The following SDK1 variants were observed in gnomAD, a reference collection of about 807,000 sequenced individuals.
SDK1 encodes the protein protein sidekick-1.
A neutral mutation model predicts 245.5 loss-of-function variants in SDK1; 157 were observed. That is an observed-to-expected ratio of 0.64 (90% CI 0.56 to 0.73). SDK1 has a LOEUF of 0.73. Ranked by LOEUF, SDK1 falls within the 30% of genes least tolerant of loss-of-function variation. The pLI is 0.00. For missense variants in SDK1, 3,583 were observed against 3,002.3 expected, an observed-to-expected ratio of 1.19 and a Z score of -4.52; for synonymous variants, 1,647 against 1,278.5, an observed-to-expected ratio of 1.29 and a Z score of -6.15.
chr7:4,130,415 G>C, intron 27 of SDK1: 1 of 352,410 alleles, frequency 2.8e-6, no homozygotes, highest in Non-Finnish European at 5.2e-6. Flanking sequence ...GCTCCTCTTG[G>C]CAGGGGCTCC....
Position 4,210,007 on chromosome 7 carries a change from T to G in SDK1, c.5402-18T>G. On this transcript the variant is annotated intron_variant, in intron 37 of 44. Transcript: ENST00000404826. ...GTAGGAGCCCCTGTAAAAGTCACTTTGTGTTCTATTCTCCCAGCCCCTGGG... is the reference window on the plus strand; with the variant it reads ...GTAGGAGCCCCTGTAAAAGTCACTTGGTGTTCTATTCTCCCAGCCCCTGGG... 6.5e-7 allele frequency: 1 copy of G among 1,549,418 alleles called. No individual in the cohort carries two copies. Among genetic ancestry groups the G allele is most frequent in the Non-Finnish European group, 8.7e-7 (1 of 1,150,390 alleles).
intron 5 of SDK1, among the ~76,000 whole-genome samples, chr7:3,845,121 G>A (rs1387064740): frequency 2.6e-5 from 4 of 152,180 alleles, no homozygotes; most frequent in African/African-American, 9.7e-5. Flanking sequence ...GGGGAGGGAT[G>A]CTGGGTGGTG....
chr7:4,124,920 G>C (rs969762240), intron 25 of SDK1, among the ~76,000 whole-genome samples: 3 of 125,416 alleles, frequency 2.4e-5, no homozygotes, highest in Non-Finnish European at 5.4e-5. Context: ...GGATGGATGG[G>C]TGGGTAGATG....
chr7:3,439,478 A>C (rs1359910419), intron 1 of SDK1, among the ~76,000 whole-genome samples: 1 of 152,166 alleles, frequency 6.6e-6, no homozygotes, highest in Admixed American at 6.5e-5. Flanking sequence ...CCTAAGACTC[A>C]GTGGACAGCA....
rs574784221 is a variant in SDK1 at position 4,227,296 on chromosome 7, G to T, written c.5827+5932G>T. 1.2e-3 allele frequency: 549 copies of T among 457,286 alleles called. 5 individuals are homozygous for T. Among genetic ancestry groups the T allele is most frequent in the Non-Finnish European group, 1.0e-4 (23 of 220,612 alleles). 28.3% of individuals were successfully genotyped at this position (457,286 alleles called of 1,614,324 possible). A position where few individuals can be genotyped will look rare whatever the true frequency, so the allele number is the denominator to read the frequency against. On this transcript the variant is annotated intron_variant, in intron 40 of 44. Coordinates refer to ENST00000404826, the MANE Select transcript of SDK1 (RefSeq NM_152744.4). ...TAAGCTGCTTGTCTTTCTCATAAGCGTGTTTCTGACAGCTTGTCAGCCCGG... is the reference window on the plus strand; with the variant it reads ...TAAGCTGCTTGTCTTTCTCATAAGCTTGTTTCTGACAGCTTGTCAGCCCGG...
At chr7:3,383,839 G>T (rs949183352) in intron 1 of SDK1, among the ~76,000 whole-genome samples, 1 of 152,120 alleles carries the variant, frequency 6.6e-6, no homozygotes, top group Non-Finnish European at 1.5e-5. Flanking sequence ...TCATCCAAAG[G>T]ACAACAGTAA....
intron 1 of SDK1, chr7:3,476,089 C>G (rs1781340498): frequency 6.6e-6 from 1 of 152,592 alleles, no homozygotes; most frequent in South Asian, 2.1e-4. Flanking sequence ...TATTTTCAAA[C>G]AATTTCTCTC....
intron 1 of SDK1, among the ~76,000 whole-genome samples, chr7:3,503,247 C>G (rs546415517): frequency 8.0e-4 from 122 of 152,262 alleles, no homozygotes; most frequent in African/African-American, 2.8e-3. Context: ...CTCATTAAGA[C>G]TCAGGAATCT....
chr7:3,649,076 C>G (rs923338531), intron 4 of SDK1, among the ~76,000 whole-genome samples: 1 of 152,164 alleles, frequency 6.6e-6, no homozygotes, highest in Non-Finnish European at 1.5e-5. Flanking sequence ...TTGCCAGGGA[C>G]AGAAAGGGGA....
intron 7 of SDK1, 110 bp from the exon 8 acceptor site, chr7:3,958,821 T>G: frequency 1.2e-6 from 1 of 860,870 alleles, no homozygotes; most frequent in Non-Finnish European, 1.9e-6. Flanking sequence ...TAACTAATGA[T>G]GAAATTTTCA....
intron 1 of SDK1, among the ~76,000 whole-genome samples, chr7:3,504,182 A>G (rs184410380): frequency 0.22 from 29,231 of 131,522 alleles, 3,521 homozygotes; most frequent in African/African-American, 0.24. Flanking sequence ...ATATATATAT[A>G]TGTGTGTGTG....
chr7:4,077,940 G>A (rs1218438865), intron 21 of SDK1, among the ~76,000 whole-genome samples: 1 of 152,204 alleles, frequency 6.6e-6, no homozygotes, highest in African/African-American at 2.4e-5. Context: ...AGCGACCAAG[G>A]TTAACACTAG....
At chr7:3,344,018 C>CAAAAAAAAAAA (rs397939224) in intron 1 of SDK1, among the ~76,000 whole-genome samples, 1 of 122,558 alleles carries the variant, frequency 8.2e-6, no homozygotes, top group Non-Finnish European at 1.8e-5. Context: ...CACATACAAC[C>CAAAAAAAAAAA]AAAAAAAAAA....
At chr7:3,856,169 C>T (rs1425559320) in intron 5 of SDK1, among the ~76,000 whole-genome samples, 2 of 151,980 alleles carry the variant, frequency 1.3e-5, no homozygotes, top group Non-Finnish European at 2.9e-5. Context: ...GAAGGATATG[C>T]TTATTGATTC....
chr7:3,395,308 T>C (rs1252132409), intron 1 of SDK1, among the ~76,000 whole-genome samples: 1 of 151,964 alleles, frequency 6.6e-6, no homozygotes, highest in African/African-American at 2.4e-5. Context: ...CTCACATTTC[T>C]GGGGTAATTA....
intron 5 of SDK1, among the ~76,000 whole-genome samples, chr7:3,878,442 G>A (rs577615316): frequency 3.2e-4 from 48 of 152,204 alleles, no homozygotes; most frequent in Non-Finnish European, 5.3e-4. Flanking sequence ...GCGTGAACCC[G>A]GGAGGCGGAG....
intron 1 of SDK1, among the ~76,000 whole-genome samples, chr7:3,412,494 T>TAAA (rs1379702565): frequency 1.3e-5 from 2 of 152,236 alleles, no homozygotes; most frequent in Non-Finnish European, 2.9e-5. Flanking sequence ...TTCCTTTATG[T>TAAA]GTTTATACCA....
intron 1 of SDK1, among the ~76,000 whole-genome samples, chr7:3,332,863 G>A (rs748255511): frequency 1.3e-5 from 2 of 152,082 alleles, no homozygotes; most frequent in African/African-American, 2.4e-5. Flanking sequence ...TTTATTATCA[G>A]TGCCTAAATA....
chr7:4,224,860 A>G (rs979358284), intron 40 of SDK1, among the ~76,000 whole-genome samples: 1 of 151,552 alleles, frequency 6.6e-6, no homozygotes, highest in Non-Finnish European at 1.5e-5. Flanking sequence ...GCATGCACCT[A>G]TAGTCCCAGC....
Sources: gnomAD v4.1 joint callset for allele counts (sites outside exome capture counted in the v4.1 genomes callset) on GRCh38, gnomAD v4.1.1 for gene constraint, MANE v1.5 for transcripts, NCBI Gene and HGNC (gene_info 2026-07-23, HGNC 2026-07-21) for gene names.